GPC5: variants seen among roughly 807,000 people sequenced by gnomAD.
The protein encoded by GPC5 is glypican-5.
GPC5 carries 47 observed loss-of-function variants against 53.9 expected under a neutral mutation model. That is an observed-to-expected ratio of 0.87 (90% CI 0.69 to 1.11). The LOEUF is 1.11. Among genes scored for constraint, GPC5 ranks in the 50% most tolerant of loss-of-function variants. The pLI is 0.00. For synonymous variants in GPC5, 286 were observed against 263.3 expected, an observed-to-expected ratio of 1.09 and a Z score of -0.84; for missense variants, 748 against 713.1, an observed-to-expected ratio of 1.05 and a Z score of -0.56.
chr13:92,033,570 C>G lies in GPC5; in HGVS notation c.1402-111260C>G, dbSNP rs574617693. On this transcript the variant is annotated intron_variant, in intron 6 of 7. Transcript: ENST00000377067. ...AATTATGTACTGTACATGATACAATCAATCTAATTTTCAGGCAATATTTAT... is the reference window on the plus strand; with the variant it reads ...AATTATGTACTGTACATGATACAATGAATCTAATTTTCAGGCAATATTTAT... Among the ~76,000 whole-genome samples, 235 of 152,278 alleles carry G rather than the reference C, an allele frequency of 1.5e-3. 1 individual carries two copies. Among genetic ancestry groups the G allele is most frequent in the Middle Eastern group, 0.01 (3 of 294 alleles).
At chr13:91,744,164 C>T (rs183603944) in intron 4 of GPC5, among the ~76,000 whole-genome samples, 2 of 152,158 alleles carry the variant, frequency 1.3e-5, no homozygotes, top group Non-Finnish European at 2.9e-5. Flanking sequence ...TATGGATTAA[C>T]ATAATGGAAG....
At chr13:91,806,051 T>TTTTTTG (rs2038215069) in intron 5 of GPC5, among the ~76,000 whole-genome samples, 1 of 101,548 alleles carries the variant, frequency 9.8e-6, no homozygotes, top group Non-Finnish European at 2.0e-5. Flanking sequence ...TTTTTTTTTT[T>TTTTTTG]GGAGACCGAG....
chr13:91,621,781 A>ATATG (rs2033866154), intron 2 of GPC5, among the ~76,000 whole-genome samples: 1 of 104,452 alleles, frequency 9.6e-6, no homozygotes, highest in African/African-American at 3.1e-5. Flanking sequence ...ATATATATAT[A>ATATG]TATATATATA....
intron 7 of GPC5, among the ~76,000 whole-genome samples, chr13:92,292,363 C>T (rs900350356): frequency 6.6e-6 from 1 of 151,966 alleles, no homozygotes; most frequent in Admixed American, 6.5e-5. Context: ...CTTTTGATTA[C>T]AGCCATTGTT....
chr13:92,378,600 T>A (rs1594146751), intron 7 of GPC5, among the ~76,000 whole-genome samples: 1 of 152,314 alleles, frequency 6.6e-6, no homozygotes, highest in East Asian at 1.9e-4. Flanking sequence ...ATGATAGAAC[T>A]TTTCTTAGTA....
intron 7 of GPC5, among the ~76,000 whole-genome samples, chr13:92,517,446 A>T (rs1275245011): frequency 6.6e-6 from 1 of 152,216 alleles, no homozygotes; most frequent in Non-Finnish European, 1.5e-5. Context: ...AAGTAGGGGC[A>T]GACTGACACC....
intron 7 of GPC5, among the ~76,000 whole-genome samples, chr13:92,528,513 C>A (rs2138983504): frequency 6.6e-6 from 1 of 151,890 alleles, no homozygotes; most frequent in South Asian, 2.1e-4. Flanking sequence ...ATCTCTGTCT[C>A]TAAATGATAA....
chr13:91,749,472 T>C (rs2037122835), intron 4 of GPC5, among the ~76,000 whole-genome samples: 1 of 152,216 alleles, frequency 6.6e-6, no homozygotes, highest in Non-Finnish European at 1.5e-5. Flanking sequence ...CTGTGAATAG[T>C]GCTGCGATAA....
intron 5 of GPC5, among the ~76,000 whole-genome samples, chr13:91,842,938 A>G (rs7983180): frequency 0.052 from 7,912 of 152,138 alleles, 402 homozygotes; most frequent in East Asian, 0.22. Flanking sequence ...GTTTAACAAT[A>G]TGAATTGTCT....
chr13:92,456,020 A>G (rs1238738752), intron 7 of GPC5, among the ~76,000 whole-genome samples: 1 of 152,232 alleles, frequency 6.6e-6, no homozygotes, highest in Admixed American at 6.5e-5. Context: ...ATGCTAACAC[A>G]TTTTTCTTTT....
chr13:92,348,589 A>G (rs2043448305), intron 7 of GPC5, among the ~76,000 whole-genome samples: 1 of 152,152 alleles, frequency 6.6e-6, no homozygotes, highest in South Asian at 2.1e-4. Context: ...CCTAACAGAC[A>G]TAAACAGAAC....
At position 92,751,302 on chromosome 13, in the gene GPC5, T is replaced by TAAAA. The variant is rs1566400471; in HGVS notation, c.1562-114980_1562-114979insAAAA. ...AAAACCTTTGGTCATCCAGAAACAT[T>TAAAA]TAAAAAAAAAAAAAAAAAAAAAAAA... On this transcript the variant is annotated intron_variant, in intron 7 of 7. Transcript: ENST00000377067. 9.4e-3 allele frequency among the ~76,000 whole-genome samples: 324 copies of TAAAA among 34,362 alleles called. 39 individuals are homozygous for TAAAA. The highest frequency in any genetic ancestry group is 0.052 in the East Asian group (73 of 1,406). 22.5% of individuals were successfully genotyped at this position (34,362 alleles called of 152,430 possible).
intron 7 of GPC5, among the ~76,000 whole-genome samples, chr13:92,386,251 T>C (rs1874722000): frequency 6.6e-6 from 1 of 152,026 alleles, no homozygotes; most frequent in Admixed American, 6.6e-5. Context: ...AAGTATAATA[T>C]GAGCTTCTGA....
intron 2 of GPC5, among the ~76,000 whole-genome samples, chr13:91,456,778 G>C (rs1221118415): frequency 6.6e-6 from 1 of 150,654 alleles, no homozygotes; most frequent in East Asian, 1.9e-4. Flanking sequence ...ATTCACGTGG[G>C]TGTTTTGTTT....
intron 5 of GPC5, among the ~76,000 whole-genome samples, chr13:91,818,529 G>A (rs2038435509): frequency 6.6e-6 from 1 of 152,068 alleles, no homozygotes; most frequent in East Asian, 1.9e-4. Flanking sequence ...ATGTTTATTT[G>A]CACAGTTTTA....
chr13:92,845,687 G>T (rs1349974761), intron 7 of GPC5, among the ~76,000 whole-genome samples: 1 of 152,104 alleles, frequency 6.6e-6, no homozygotes, highest in Non-Finnish European at 1.5e-5. Context: ...GCCCAGTAAA[G>T]TTGACACATG....
chr13:92,098,758 G>A (rs1190798729), intron 6 of GPC5, among the ~76,000 whole-genome samples: 2 of 152,114 alleles, frequency 1.3e-5, no homozygotes, highest in Non-Finnish European at 1.5e-5. Context: ...GTCTTTAAAA[G>A]TAGAAAAGGG....
intron 7 of GPC5, chr13:92,446,321 G>GCTC (rs1877824758): frequency 1.3e-5 from 2 of 150,398 alleles, no homozygotes; most frequent in African/African-American, 4.9e-5. Flanking sequence ...TTAATTTTTA[G>GCTC]CTCCCACAAA....
chr13:92,076,615 C>T (rs980564545), intron 6 of GPC5, among the ~76,000 whole-genome samples: 3 of 150,936 alleles, frequency 2.0e-5, no homozygotes, highest in African/African-American at 7.3e-5. Context: ...TCTGGGGAGT[C>T]ATCCCCTACA....
Sources: allele counts gnomAD v4.1 joint callset (sites outside exome capture counted in the v4.1 genomes callset), GRCh38; gene constraint gnomAD v4.1.1; transcripts MANE v1.5; gene names NCBI Gene and HGNC (gene_info 2026-07-23, HGNC 2026-07-21).